Variants in MYO18A observed in about 807,000 individuals in gnomAD.
MYO18A encodes the protein myosin XVIIIA.
Under a neutral mutation model 235.8 loss-of-function variants are expected in MYO18A, and 78 were observed. The observed-to-expected ratio is 0.33, with a 90% CI of 0.28 to 0.40. MYO18A has a LOEUF of 0.40. Among genes scored for constraint, MYO18A ranks in the 10% least tolerant of loss-of-function variants. The pLI is 1.00. For missense variants in MYO18A, 2,215 were observed against 2,699.3 expected, an observed-to-expected ratio of 0.82 and a Z score of 3.98; for synonymous variants, 977 against 1,077.8, an observed-to-expected ratio of 0.91 and a Z score of 1.83.
rs752222172 is a variant in MYO18A at position 29,119,321 on chromosome 17, C to G, written c.1829+14G>C. Reference sequence around the variant, plus strand: ...AGTTCAGAGAACCCTTGTGTACCCTCTGACCCATCTCACCTGAGGGTGCCA... The same window carrying G: ...AGTTCAGAGAACCCTTGTGTACCCTGTGACCCATCTCACCTGAGGGTGCCA... On this transcript the variant is annotated intron_variant, in intron 8 of 41. Transcript: ENST00000527372. 2.7e-5 allele frequency: 44 copies of G among 1,602,846 alleles called. No homozygotes were observed. Among genetic ancestry groups the G allele is most frequent in the Non-Finnish European group, 3.7e-5 (43 of 1,173,466 alleles).
intron 2 of MYO18A, chr17:29,131,500 A>C (rs1024562310): frequency 1.6e-5 from 14 of 892,566 alleles, no homozygotes; most frequent in African/African-American, 3.6e-5. Context: ...CCAGCACTAA[A>C]AGCACAGGGA....
At chr17:29,079,534 G>A (rs1426695405) in intron 41 of MYO18A, among the ~76,000 whole-genome samples, 3 of 152,236 alleles carry the variant, frequency 2.0e-5, no homozygotes, top group Non-Finnish European at 4.4e-5. Flanking sequence ...TCAGCTGACA[G>A]GGCTCAGGGC....
rs976987114 is a variant in MYO18A, at chr17:29,125,739, C to T, written c.1000-3486G>A. Among the ~76,000 whole-genome samples the T allele has an allele frequency of 6.6e-6, 1 of 152,212 alleles. No homozygotes were observed. The highest frequency in any genetic ancestry group is 6.5e-5 in the Admixed American group (1 of 15,278). ...ACCACTCTCCCCAGAGCACTTCTCT[C>T]ATTTCTTTAAGAGAGAGCCCAACAT... On this transcript the variant is annotated intron_variant, in intron 2 of 41. Coordinates refer to ENST00000527372, the MANE Select transcript of MYO18A (RefSeq NM_078471.4). The surrounding 1 kb of genome is among the most constrained non-coding windows in gnomAD (Gnocchi z 5.1).
chr17:29,120,473 G>A lies in MYO18A; in HGVS notation c.1728+143C>T. The stretch of plus-strand genomic sequence containing the variant: ...CAGAATGGTGATGCCTCTGGATAGT[G>A]CAGGCCAACCCTGCCCATGCCTGGG... On this transcript the variant is annotated intron_variant, in intron 7 of 41. Transcript: ENST00000527372. This position sits in a 1 kb window ranked among gnomAD's most constrained non-coding sequence, Gnocchi z 4.2. The A allele has an allele frequency of 9.0e-7, 1 of 1,111,734 alleles. No individual in the cohort carries two copies. Among genetic ancestry groups the A allele is most frequent in the Non-Finnish European group, 1.3e-6 (1 of 787,778 alleles). 68.9% of individuals were successfully genotyped at this position (1,111,734 alleles called of 1,614,324 possible).
chr17:29,133,843 G>C lies in MYO18A; in HGVS notation c.1000-11590C>G, dbSNP rs190211892. On this transcript the variant is annotated intron_variant, in intron 2 of 41. Transcript: ENST00000527372. The stretch of plus-strand genomic sequence containing the variant: ...ACCTTGATGAAAAGGCCATGGCGCT[G>C]AAGGTAACCTGTGCCCTGGGTCAGA... The C allele has an allele frequency of 1.6e-3, 2,122 of 1,289,332 alleles. 12 individuals are homozygous for C. Among genetic ancestry groups the C allele is most frequent in the Middle Eastern group, 0.014 (68 of 4,696 alleles). The allele number at this position is 1,289,332 out of a possible 1,614,324, so 79.9% of individuals were successfully genotyped here.
At position 29,097,213 on chromosome 17, in the gene MYO18A, C is replaced by T. The variant is rs2066539531; in HGVS notation, c.4230+10G>A. 1 of 1,604,728 alleles carries T rather than the reference C, an allele frequency of 6.2e-7. No individual in the cohort carries two copies. The highest frequency in any genetic ancestry group is 8.5e-7 in the Non-Finnish European group (1 of 1,179,240). On this transcript the variant is annotated intron_variant, in intron 27 of 41. Coordinates refer to ENST00000527372, the MANE Select transcript of MYO18A (RefSeq NM_078471.4). ...CCCAGGCACAGGCCTCAGCTCCTCC[C>T]CAGCCTCACCCGCCGTTCCAGCTGC...
intron 23 of MYO18A, 140 bp downstream of exon 23, chr17:29,098,686 A>G: frequency 7.9e-7 from 1 of 1,266,608 alleles, no homozygotes; most frequent in Non-Finnish European, 1.1e-6. Flanking sequence ...CCAGCACCCC[A>G]GAGGGACATC....
intron 11 of MYO18A, 157 bp from the exon 12 acceptor site, chr17:29,115,997 G>C (rs972321906): frequency 2.0e-5 from 15 of 754,982 alleles, no homozygotes; most frequent in Non-Finnish European, 2.7e-5. Context: ...GCCAGCAGTG[G>C]CCAGCATTTC....
At chr17:29,100,556 G>T (rs1052601507) in intron 21 of MYO18A, among the ~76,000 whole-genome samples, 1 of 152,222 alleles carries the variant, frequency 6.6e-6, no homozygotes, top group African/African-American at 2.4e-5. Flanking sequence ...ACTCTGTGCC[G>T]CCCTGAGATA....
chr17:29,174,670 C>T (rs2068482636), intron 1 of MYO18A, among the ~76,000 whole-genome samples: 1 of 151,886 alleles, frequency 6.6e-6, no homozygotes, highest in Non-Finnish European at 1.5e-5. Flanking sequence ...CAAAACTTTG[C>T]CGGCGTAGTG....
chr17:29,144,472 A>G (rs2067805652), intron 2 of MYO18A, among the ~76,000 whole-genome samples: 1 of 152,198 alleles, frequency 6.6e-6, no homozygotes, highest in South Asian at 2.1e-4. Flanking sequence ...CCCACCCGGC[A>G]ATGCAAAGAA....
In MYO18A at chr17:29,073,791, G is replaced by C; in HGVS notation, c.*979C>G. Reference sequence around the variant, plus strand: ...ACACGGGCTCAGGACACAGAGTGAGGACTCATGTCTAATGAGCACCGGCCA... The same window carrying C: ...ACACGGGCTCAGGACACAGAGTGAGCACTCATGTCTAATGAGCACCGGCCA... On this transcript the variant is annotated 3_prime_UTR_variant, in exon 42 of 42. Transcript: ENST00000527372. 1 of 1,476,964 alleles carries C rather than the reference G, an allele frequency of 6.8e-7. No homozygotes were observed. The highest frequency in any genetic ancestry group is 2.3e-5 in the East Asian group (1 of 43,650). The allele number at this position is 1,476,964 out of a possible 1,614,324, so 91.5% of individuals were successfully genotyped here.
chr17:29,110,576 C>T lies in MYO18A; in HGVS notation c.2947G>A (p.Val983Met). 6 of 1,612,216 alleles carry T rather than the reference C, an allele frequency of 3.7e-6. No homozygotes were observed. Among genetic ancestry groups the T allele is most frequent in the Non-Finnish European group, 5.1e-6 (6 of 1,178,982 alleles). ...LFLGRAGSATVLSGSIAGLEG... is the reference protein window; with the variant it reads ...LFLGRAGSATMLSGSIAGLEG... Reference sequence around the variant, plus strand: ...AGGCCCGCGATGGAGCCAGAGAGCACCGTGGCACTGCCTGCGCGGCCCAGA... The same window carrying T: ...AGGCCCGCGATGGAGCCAGAGAGCATCGTGGCACTGCCTGCGCGGCCCAGA... The change falls in exon 18 of 42, where the codon GTG becomes ATG. Residue 983 changes from valine to methionine, a missense_variant. Transcript: ENST00000527372.
chr17:29,140,311 C>G lies in MYO18A; in HGVS notation c.1000-18058G>C, dbSNP rs1360039910. On this transcript the variant is annotated intron_variant, in intron 2 of 41. Transcript: ENST00000527372. The surrounding 1 kb of genome is among the most constrained non-coding windows in gnomAD (Gnocchi z 4.2). ...ATAGCATGAGGAGCCTGGGACATTT[C>G]CGGGGTGGGGGGTCAGAGGGACACT... is the stretch of plus-strand genomic sequence containing the variant. The G allele has an allele frequency of 2.4e-6, 3 of 1,226,528 alleles. No homozygotes were observed. The highest frequency in any genetic ancestry group is 3.1e-6 in the Non-Finnish European group (3 of 957,636). The allele number at this position is 1,226,528 out of a possible 1,614,324, so 76.0% of individuals were successfully genotyped here.
chr17:29,111,381 A>T lies in MYO18A; in HGVS notation c.2900+43T>A. 3 of 1,590,840 alleles carry T rather than the reference A, an allele frequency of 1.9e-6. No homozygotes were observed. The highest frequency in any genetic ancestry group is 2.6e-6 in the Non-Finnish European group (3 of 1,166,198). On this transcript the variant is annotated intron_variant, in intron 17 of 41. Coordinates refer to ENST00000527372, the MANE Select transcript of MYO18A (RefSeq NM_078471.4). The surrounding 1 kb of genome is among the most constrained non-coding windows in gnomAD (Gnocchi z 5.1). ...GGGGAGGGAGCCCCAAAATCAAAAC[A>T]GTCCTGGGTACAGAACAGGGGCGGA...
Position 29,148,064 on chromosome 17 carries a change from G to C in MYO18A, c.999+17878C>G, listed in dbSNP as rs545748271. ...ATGGGAAATGGGCACAAGCGGGTCT[G>C]GGTGGAGATTGAGAAAAGTAAGGAA... On this transcript the variant is annotated intron_variant, in intron 2 of 41. Transcript: ENST00000527372. 9.2e-5 allele frequency among the ~76,000 whole-genome samples: 14 copies of C among 152,092 alleles called. No homozygotes were observed. In the South Asian group the frequency reaches 2.7e-3, roughly 29 times the overall value.
intron 31 of MYO18A, 69 bp downstream of exon 31, chr17:29,093,911 G>T: frequency 2.6e-6 from 3 of 1,156,546 alleles, no homozygotes; most frequent in Non-Finnish European, 2.5e-6. Context: ...GAGGTGGAAA[G>T]CCCCTTACTT....
chr17:29,091,616 T>C (rs1568048729), intron 34 of MYO18A: 1 of 454,908 alleles, frequency 2.2e-6, no homozygotes, highest in Non-Finnish European at 4.4e-6. Flanking sequence ...AATTAAGGAA[T>C]TTGAATTACT....
chr17:29,143,077 G>C (rs1302897434), intron 2 of MYO18A, among the ~76,000 whole-genome samples: 1 of 152,176 alleles, frequency 6.6e-6, no homozygotes, highest in Non-Finnish European at 1.5e-5. Context: ...CAAAGTGCTG[G>C]GATTACAGGC....
Sources: gnomAD v4.1 joint callset for allele counts (sites outside exome capture counted in the v4.1 genomes callset) on GRCh38, gnomAD v4.1.1 for gene constraint, Gnocchi (gnomAD v3.1) non-coding constraint, MANE v1.5 for transcripts, NCBI Gene and HGNC (gene_info 2026-07-23, HGNC 2026-07-21) for gene names.